The following MYO5B variants were observed in gnomAD, a reference collection of about 807,000 sequenced individuals.
The protein encoded by MYO5B is unconventional myosin-Vb.
In MYO5B, 143 loss-of-function variants were observed where a neutral mutation model predicts 229.3. The ratio of observed to expected loss-of-function variants is 0.62; its 90% CI spans 0.54 to 0.72. The LOEUF (loss-of-function observed/expected upper bound fraction) is 0.72. Among genes scored for constraint, MYO5B ranks in the 30% least tolerant of loss-of-function variants. MYO5B has a pLI of 0.00. For missense variants in MYO5B, 2,321 were observed against 2,331.0 expected, an observed-to-expected ratio of 1.00 and a Z score of 0.09; for synonymous variants, 918 against 885.2, an observed-to-expected ratio of 1.04 and a Z score of -0.66.
At chr18:50,065,876 T>G (rs1219166880) in intron 1 of MYO5B, among the ~76,000 whole-genome samples, 1 of 152,010 alleles carries the variant, frequency 6.6e-6, no homozygotes, top group East Asian at 1.9e-4. Context: ...AGGAGGTGGT[T>G]TCCAGGCTGA....
intron 7 of MYO5B, among the ~76,000 whole-genome samples, chr18:49,988,345 G>T (rs767933220): frequency 6.6e-6 from 1 of 152,154 alleles, no homozygotes; most frequent in Non-Finnish European, 1.5e-5. Context: ...GAGCACAAGC[G>T]CTTGTCAAAG....
At position 50,077,412 on chromosome 18, in the gene MYO5B, A is replaced by G. The variant is rs568265692; in HGVS notation, c.28-22034T>C. Among the ~76,000 whole-genome samples, 4 of 151,958 alleles carry G rather than the reference A, an allele frequency of 2.6e-5. No homozygotes were observed. The South Asian group carries it at 6.2e-4, about 24-fold the overall frequency. ...TAAGAGAAATTAGGCTGTAACTCAG[A>G]GTGGCCCTGCATCTGGATGCTTAAA... On this transcript the variant is annotated intron_variant, in intron 1 of 39. Transcript: ENST00000285039.
chr18:50,068,330 T>C (rs2030872750), intron 1 of MYO5B, among the ~76,000 whole-genome samples: 1 of 152,132 alleles, frequency 6.6e-6, no homozygotes, highest in Admixed American at 6.5e-5. Flanking sequence ...ACAGCCTGAG[T>C]CATACTGTAT....
At chr18:49,959,513 G>A (rs990328921) in intron 12 of MYO5B, among the ~76,000 whole-genome samples, 3 of 152,132 alleles carry the variant, frequency 2.0e-5, no homozygotes, top group Admixed American at 6.5e-5. Flanking sequence ...CAGGGGGCGG[G>A]GGACACTGGC....
chr18:49,976,410 T>A (rs559551121), intron 9 of MYO5B, among the ~76,000 whole-genome samples: 1 of 152,148 alleles, frequency 6.6e-6, no homozygotes, highest in South Asian at 2.1e-4. Context: ...GTTTTTCCAA[T>A]GTATGGTTTA....
intron 17 of MYO5B, among the ~76,000 whole-genome samples, chr18:49,912,658 G>T (rs555306905): frequency 1.3e-5 from 2 of 152,102 alleles, no homozygotes; most frequent in Non-Finnish European, 2.9e-5. Context: ...CTTGCCTGCC[G>T]CCATGTAAGA....
intron 17 of MYO5B, among the ~76,000 whole-genome samples, chr18:49,914,946 TAGG>T (rs746451844): frequency 1.4e-4 from 22 of 152,116 alleles, no homozygotes; most frequent in East Asian, 5.8e-4. Context: ...CTTGGGTTCC[TAGG>T]AGGACTTGTT....
At chr18:49,863,813 TGG>T (rs1257517430) in intron 28 of MYO5B, among the ~76,000 whole-genome samples, 2 of 152,160 alleles carry the variant, frequency 1.3e-5, no homozygotes, top group African/African-American at 4.8e-5. Context: ...CTTGCCACCC[TGG>T]GGGACTGAGG....
chr18:49,921,562 A>C (rs559133424), intron 17 of MYO5B, among the ~76,000 whole-genome samples: 109 of 152,304 alleles, frequency 7.2e-4, no homozygotes, highest in African/African-American at 2.5e-3. Context: ...AATCAGACTC[A>C]CAGAGAGCCA....
intron 1 of MYO5B, among the ~76,000 whole-genome samples, chr18:50,141,574 G>A (rs983793252): frequency 6.6e-6 from 1 of 152,170 alleles, no homozygotes; most frequent in Non-Finnish European, 1.5e-5. Flanking sequence ...GAGCTTACCT[G>A]CCCTGCATCA....
intron 5 of MYO5B, among the ~76,000 whole-genome samples, chr18:50,000,796 TC>T (rs1039625190): frequency 1.3e-5 from 2 of 152,120 alleles, no homozygotes; most frequent in African/African-American, 4.8e-5. Flanking sequence ...TGGCTTTACC[TC>T]CCCGCTAAAA....
At chr18:50,048,723 G>T (rs181353596) in intron 2 of MYO5B, among the ~76,000 whole-genome samples, 18 of 152,172 alleles carry the variant, frequency 1.2e-4, no homozygotes, top group Admixed American at 1.1e-3. Context: ...TATCCAAAAG[G>T]GTTTCAAAAA....
At position 49,864,284 on chromosome 18, in the gene MYO5B, G is replaced by A. The variant is rs1470210646; in HGVS notation, c.3700C>T (p.His1234Tyr). Residue 1234 changes from histidine (H) to tyrosine (Y), a missense_variant, in exon 28 of 40, where the codon CAC (histidine) becomes TAC (tyrosine). This residue lies in a region of MYO5B where 2,113 missense variants were observed against 2,044.7 expected (regional missense o/e 1.03). Transcript: ENST00000285039. ...AGGCTGTAGCTATCTGGGGAGCCGTGGCTGGAGTTATTCTGCGTGGCTTGG... is the reference window on the plus strand; with the variant it reads ...AGGCTGTAGCTATCTGGGGAGCCGTAGCTGGAGTTATTCTGCGTGGCTTGG... ...ADQATQNNSS[H>Y]GSPDSYSLLL... 1 of 1,614,208 alleles carries A rather than the reference G, an allele frequency of 6.2e-7. No individual in the cohort carries two copies. Among genetic ancestry groups the A allele is most frequent in the East Asian group, 2.2e-5 (1 of 44,882 alleles).
chr18:50,017,208 C>A (rs1394760004), intron 4 of MYO5B, among the ~76,000 whole-genome samples: 2 of 152,204 alleles, frequency 1.3e-5, no homozygotes, highest in African/African-American at 4.8e-5. Context: ...ACCTCCACTT[C>A]CTGGGCTCAA....
chr18:49,957,674 A>AAACAG (rs2025510470), intron 12 of MYO5B, among the ~76,000 whole-genome samples: 1 of 117,908 alleles, frequency 8.5e-6, no homozygotes, highest in African/African-American at 3.9e-5. Flanking sequence ...AAACAAAACA[A>AAACAG]AAAAAGCCAA....
intron 14 of MYO5B, among the ~76,000 whole-genome samples, chr18:49,938,220 C>T (rs944938449): frequency 1.3e-5 from 2 of 152,118 alleles, no homozygotes; most frequent in African/African-American, 4.8e-5. Context: ...AGGGATAAGC[C>T]TATGCCTGTT....
chr18:49,863,310 G>C lies in MYO5B; in HGVS notation c.3861C>G (p.Ala1287=). 1 of 1,613,760 alleles carries C rather than the reference G, an allele frequency of 6.2e-7. No homozygotes were observed. The change falls in exon 29 of 40, where the codon GCC becomes GCG. Residue 1287 remains alanine, a synonymous_variant. Transcript: ENST00000285039. ...TTTCACTGTTAGGCCAACTTGATCT[G>C]GCATTAATGTTCGGCTCCTAGAAAG... ...AGRNAEPNIN[A]RSSWPNSEKH...
intron 27 of MYO5B, among the ~76,000 whole-genome samples, chr18:49,869,929 G>T (rs2024438807): frequency 6.6e-6 from 1 of 152,122 alleles, no homozygotes; most frequent in African/African-American, 2.4e-5. Context: ...TTCTAAAAGG[G>T]TGGGTAGGAT....
intron 1 of MYO5B, among the ~76,000 whole-genome samples, chr18:50,080,100 T>C (rs1343431208): frequency 3.3e-5 from 5 of 152,202 alleles, no homozygotes; most frequent in South Asian, 4.1e-4. Flanking sequence ...CCACTGTCCA[T>C]GTCCAGAATT....
Sources: gnomAD v4.1 joint callset for allele counts (sites outside exome capture counted in the v4.1 genomes callset) on GRCh38, gnomAD v4.1.1 for gene constraint, gnomAD v4.1.1 regional missense constraint, MANE v1.5 for transcripts, NCBI Gene and HGNC (gene_info 2026-07-23, HGNC 2026-07-21) for gene names.